The following DNAH8 variants were observed in gnomAD, a reference collection of about 807,000 sequenced individuals.
The protein encoded by DNAH8 is axonemal beta dynein heavy chain 8.
Under a neutral mutation model 562.1 loss-of-function variants are expected in DNAH8, and 382 were observed. That is an observed-to-expected ratio of 0.68 (90% CI 0.63 to 0.74). The LOEUF (loss-of-function observed/expected upper bound fraction) is 0.74, where lower values mean the gene tolerates loss of function less well. Among genes scored for constraint, DNAH8 ranks in the 30% least tolerant of loss-of-function variants. DNAH8 has a pLI of 0.00. For missense variants in DNAH8, 5,203 were observed against 5,620.4 expected (o/e 0.93, Z 2.37); for synonymous variants, 1,881 against 1,919.4 (o/e 0.98, Z 0.52).
intron 53 of DNAH8, among the ~76,000 whole-genome samples, chr6:38,882,185 T>C (rs1561810839): frequency 6.6e-6 from 1 of 152,164 alleles, no homozygotes. Context: ...AGACCTACCA[T>C]CTGACCCACC....
intron 88 of DNAH8, among the ~76,000 whole-genome samples, chr6:39,008,588 G>T (rs1046155883): frequency 6.6e-6 from 1 of 151,614 alleles, no homozygotes; most frequent in African/African-American, 2.4e-5. Flanking sequence ...CTTGAAGATG[G>T]AGAGTGTTTC....
intron 3 of DNAH8, among the ~76,000 whole-genome samples, chr6:38,725,106 C>G (rs1008009028): frequency 6.6e-6 from 1 of 151,952 alleles, no homozygotes; most frequent in African/African-American, 2.4e-5. Context: ...AGTTCAAGAC[C>G]AGCCTAACCA....
At chr6:38,778,306 G>A (rs1344076688) in intron 13 of DNAH8, 82 bp from the exon 14 acceptor site, 12 of 709,964 alleles carry the variant, frequency 1.7e-5, no homozygotes. Context: ...TCTTAATTCT[G>A]TAGGAAAAGC....
intron 58 of DNAH8, among the ~76,000 whole-genome samples, chr6:38,891,838 T>C (rs1364981302): frequency 6.6e-6 from 1 of 152,218 alleles, no homozygotes; most frequent in Non-Finnish European, 1.5e-5. Context: ...TTTGGATGTT[T>C]CCTGGCTCCA....
chr6:38,798,273 C>A (rs907752316), intron 21 of DNAH8, among the ~76,000 whole-genome samples: 1 of 152,170 alleles, frequency 6.6e-6, no homozygotes, highest in African/African-American at 2.4e-5. Flanking sequence ...TTACACACTT[C>A]ACAAGGTTAA....
intron 53 of DNAH8, 89 bp downstream of exon 53, chr6:38,875,917 T>C: frequency 1.3e-6 from 1 of 796,830 alleles, no homozygotes; most frequent in East Asian, 2.6e-5. Context: ...GAGAGAATAT[T>C]AAAACAATTA....
At chr6:38,823,739 GTTAC>G in intron 28 of DNAH8, 51 bp downstream of exon 28, 1 of 1,357,618 alleles carries the variant, frequency 7.4e-7, no homozygotes. Flanking sequence ...CACATGAAGT[GTTAC>G]TTTATTTAGC....
chr6:38,717,212 A>G (rs1314437093), intron 1 of DNAH8, among the ~76,000 whole-genome samples: 1 of 152,206 alleles, frequency 6.6e-6, no homozygotes, highest in African/African-American at 2.4e-5. Context: ...TTGTCTGTGA[A>G]GGAGAGAAGG....
Position 38,741,809 on chromosome 6 carries a change from T to C in DNAH8, c.1215T>C (p.Tyr405=), listed in dbSNP as rs1463012778. The C allele has an allele frequency of 2.5e-6, 4 of 1,614,136 alleles. No homozygotes were observed. Among genetic ancestry groups the C allele is most frequent in the Non-Finnish European group, 2.5e-6 (3 of 1,179,988 alleles). Reference sequence around the variant, plus strand: ...AACGCATGTCAGCCAAGTTCAACTATATCATTGAGCAGATTAAAGGGCCAA... The same window carrying C: ...AACGCATGTCAGCCAAGTTCAACTACATCATTGAGCAGATTAAAGGGCCAA... ...HWKRMSAKFN[Y]IIEQIKGPSC... The change falls in exon 8 of 93, where the codon TAT becomes TAC. Residue 405 remains tyrosine (Y), a synonymous_variant. Coordinates refer to ENST00000327475, the MANE Select transcript of DNAH8 (RefSeq NM_001206927.2).
chr6:38,971,231 C>T (rs1763322755), intron 82 of DNAH8, among the ~76,000 whole-genome samples: 1 of 152,192 alleles, frequency 6.6e-6, no homozygotes, highest in South Asian at 2.1e-4. Flanking sequence ...TACAGCAAAA[C>T]TAAAAAATCC....
intron 75 of DNAH8, 31 bp downstream of exon 75, chr6:38,929,697 G>C: frequency 7.6e-7 from 1 of 1,321,122 alleles, no homozygotes; most frequent in Non-Finnish European, 9.9e-7. Context: ...AAAAAAGAAA[G>C]AAAGAAAGAA....
rs1582851728 is a variant in DNAH8 at position 38,732,753 on chromosome 6, G to T, written c.611-1721G>T. ...AGTCTAATTAGTCTAGTTCTTACAT[G>T]CCCACCTTTACAGAGCCCTGGCACT... On this transcript the variant is annotated intron_variant, in intron 4 of 92. Coordinates refer to ENST00000327475, the MANE Select transcript of DNAH8 (RefSeq NM_001206927.2). Among the ~76,000 whole-genome samples, 4 of 152,008 alleles carry T rather than the reference G, an allele frequency of 2.6e-5. No homozygotes were observed. The Middle Eastern group carries it at 0.01, about 388-fold the overall frequency.
chr6:38,786,625 G>A (rs954166188), intron 17 of DNAH8, 140 bp from the exon 18 acceptor site: 29 of 754,990 alleles, frequency 3.8e-5, no homozygotes, highest in Non-Finnish European at 5.4e-5. Flanking sequence ...CAGACGCTGT[G>A]CCTTAGCACC....
At chr6:38,842,990 A>C (rs1774951546) in intron 35 of DNAH8, 87 bp downstream of exon 35, 7 of 1,439,532 alleles carry the variant, frequency 4.9e-6, no homozygotes, top group Non-Finnish European at 5.6e-6. Context: ...ATTTTATGAG[A>C]GGTTGGACTA....
chr6:38,921,075 A>G (rs1317447822), intron 70 of DNAH8, among the ~76,000 whole-genome samples: 1 of 152,050 alleles, frequency 6.6e-6, no homozygotes, highest in Non-Finnish European at 1.5e-5. Flanking sequence ...ATTTTTCTGT[A>G]GAAACAAGAT....
chr6:38,857,656 A>G lies in DNAH8; in HGVS notation c.5872A>G (p.Thr1958Ala), dbSNP rs150691309. The change falls in exon 42 of 93, where the codon ACA becomes GCA. Residue 1958 changes from threonine (T) to alanine (A), a missense_variant. Thr to Ala is a moderately conservative substitution (Grantham distance 58). Coordinates refer to ENST00000327475, the MANE Select transcript of DNAH8 (RefSeq NM_001206927.2). ...TCTAAATACTCTCATTAGTCAGACA[A>G]CACATGATCTAAGCAAGTTTGATAG... ...DILNTLISQT[T>A]HDLSKFDRVK... 37 of 1,613,672 alleles carry G rather than the reference A, an allele frequency of 2.3e-5. No individual in the cohort carries two copies. The African/African-American group carries it at 4.1e-4, about 18-fold the overall frequency.
chr6:38,854,982 TAC>T (rs1329316315), intron 41 of DNAH8, among the ~76,000 whole-genome samples: 2 of 148,590 alleles, frequency 1.3e-5, no homozygotes, highest in African/African-American at 4.9e-5. Flanking sequence ...ATATATATAA[TAC>T]AAAGTATTAT....
At chr6:38,906,210 T>G (rs1780466845) in intron 62 of DNAH8, 44 bp from the exon 63 acceptor site, 2 of 1,377,490 alleles carry the variant, frequency 1.5e-6, no homozygotes, top group South Asian at 2.6e-5. Context: ...CCCAGCCGAC[T>G]ATATATTTTT....
chr6:39,030,410 C>T lies in DNAH8; in HGVS notation c.*18C>T. 1 of 1,605,808 alleles carries T rather than the reference C, an allele frequency of 6.2e-7. No individual in the cohort carries two copies. On this transcript the variant is annotated 3_prime_UTR_variant, in exon 93 of 93. Coordinates refer to ENST00000327475, the MANE Select transcript of DNAH8 (RefSeq NM_001206927.2). The stretch of plus-strand genomic sequence containing the variant: ...TCAAGTAAGTTCATTTCCATCTGCT[C>T]AGGGCACCAGAACCCACATAGACAG...
Sources: allele counts gnomAD v4.1 joint callset (sites outside exome capture counted in the v4.1 genomes callset), GRCh38; gene constraint gnomAD v4.1.1; transcripts MANE v1.5; gene names NCBI Gene and HGNC (gene_info 2026-07-23, HGNC 2026-07-21).